Variants in MED13 observed in about 807,000 individuals in gnomAD.
The protein encoded by MED13 is mediator of RNA polymerase II transcription subunit 13.
Under a neutral mutation model 225.2 loss-of-function variants are expected in MED13, and 23 were observed. The ratio of observed to expected loss-of-function variants is 0.10; its 90% confidence interval spans 0.07 to 0.14. The LOEUF (loss-of-function observed/expected upper bound fraction) is 0.14. Ranked by LOEUF, MED13 falls within the 10% of genes least tolerant of loss-of-function variation. MED13 has a pLI of 1.00. For synonymous variants in MED13, 942 were observed against 889.2 expected, an observed-to-expected ratio of 1.06 and a Z score of -1.06; for missense variants, 2,197 against 2,594.5, an observed-to-expected ratio of 0.85 and a Z score of 3.33.
At chr17:61,974,629 A>T (rs2080138098) in intron 16 of MED13, among the ~76,000 whole-genome samples, 1 of 152,070 alleles carries the variant, frequency 6.6e-6, no homozygotes. Context: ...CAGAAATCAA[A>T]CCTCATGCTT....
chr17:61,946,707 T>G (rs2079854309), intron 29 of MED13, 107 bp from the exon 30 acceptor site: 1 of 1,374,614 alleles, frequency 7.3e-7, no homozygotes. Context: ...TAAAAAAGAG[T>G]GTAACAGAGA....
chr17:62,057,980 A>G (rs1318609617), intron 2 of MED13, among the ~76,000 whole-genome samples: 3 of 152,236 alleles, frequency 2.0e-5, no homozygotes, highest in Non-Finnish European at 4.4e-5. Flanking sequence ...CAGCAATTGA[A>G]TTCCAAAAAT....
intron 12 of MED13, among the ~76,000 whole-genome samples, chr17:61,985,333 C>G (rs1393875799): frequency 6.6e-6 from 1 of 151,950 alleles, no homozygotes. Flanking sequence ...AGAAAATGAC[C>G]AATACTTTCA....
At chr17:61,952,545 C>A (rs2079905416) in intron 27 of MED13, among the ~76,000 whole-genome samples, 1 of 152,142 alleles carries the variant, frequency 6.6e-6, no homozygotes, top group South Asian at 2.1e-4. Flanking sequence ...CTTAGAGATT[C>A]TCTTAAAAAT....
chr17:62,060,823 C>T (rs541664151), intron 2 of MED13, among the ~76,000 whole-genome samples: 204 of 151,960 alleles, frequency 1.3e-3, no homozygotes, highest in African/African-American at 3.5e-3. Flanking sequence ...CCTCAGCCTA[C>T]TGAGTAGCTG....
At chr17:61,950,015 T>C (rs529560492) in intron 28 of MED13, among the ~76,000 whole-genome samples, 1 of 152,310 alleles carries the variant, frequency 6.6e-6, no homozygotes, top group Non-Finnish European at 1.5e-5. Context: ...CCCAAAATAA[T>C]GCAGCATAAC....
chr17:61,967,708 C>T (rs1414158614), intron 18 of MED13, among the ~76,000 whole-genome samples: 1 of 152,112 alleles, frequency 6.6e-6, no homozygotes, highest in Non-Finnish European at 1.5e-5. Flanking sequence ...AGAATAAAGA[C>T]TAGAATTTTT....
chr17:62,056,125 C>T (rs1041166229), intron 2 of MED13, among the ~76,000 whole-genome samples: 2 of 152,254 alleles, frequency 1.3e-5, no homozygotes, highest in African/African-American at 2.4e-5. Flanking sequence ...GAGAGTAAGT[C>T]CTAATAACGC....
At chr17:61,983,587 T>C (rs1294435955) in intron 15 of MED13, among the ~76,000 whole-genome samples, 8 of 152,174 alleles carry the variant, frequency 5.3e-5, no homozygotes, top group Non-Finnish European at 1.2e-4. Context: ...GTCAGAGATG[T>C]TAAAATGTGA....
At chr17:61,953,149 T>A in intron 26 of MED13, 36 bp from the exon 27 acceptor site, 1 of 1,592,210 alleles carries the variant, frequency 6.3e-7, no homozygotes, top group East Asian at 2.2e-5. Context: ...TAAAACTCCA[T>A]TTTCCATATC....
chr17:62,010,844 T>C lies in MED13; in HGVS notation c.1673A>G (p.Gln558Arg). 6.2e-7 allele frequency: 1 copy of C among 1,614,262 alleles called. No homozygotes were observed. The highest frequency in any genetic ancestry group is 8.5e-7 in the Non-Finnish European group (1 of 1,180,048). The change falls in exon 9 of 30, where the codon CAA becomes CGA. Residue 558 changes from glutamine (Q) to arginine (R), a missense_variant. By Grantham distance (43) the Gln-to-Arg change is conservative. Coordinates refer to ENST00000397786, the MANE Select transcript of MED13 (RefSeq NM_005121.3). The part of the protein sequence containing the change: ...VTKTPSTPQS[Q>R]HFYQMPTPDP... ...TGGTGTTGGCATTTGATAAAAATGT[T>C]GACTCTGAGGAGTTGAAGGTGTTTT...
At chr17:61,947,956 A>G (rs2079864481) in intron 28 of MED13, among the ~76,000 whole-genome samples, 2 of 152,224 alleles carry the variant, frequency 1.3e-5, no homozygotes, top group Admixed American at 1.3e-4. Context: ...CAACTGCAAT[A>G]CATATAGAAA....
rs191390334 is a variant in MED13, at chr17:62,012,863, G to A, written c.1284-1630C>T. ...GCTGTAGTGCAGTGGTGCAATCTTGGCTCACGGCAACCTCCGCCTCCCAGG... is the reference window on the plus strand; with the variant it reads ...GCTGTAGTGCAGTGGTGCAATCTTGACTCACGGCAACCTCCGCCTCCCAGG... On this transcript the variant is annotated intron_variant, in intron 8 of 29. Coordinates refer to ENST00000397786, the MANE Select transcript of MED13 (RefSeq NM_005121.3). Among the ~76,000 whole-genome samples, 20 of 151,676 alleles carry A rather than the reference G, an allele frequency of 1.3e-4. 1 individual carries two copies. In the East Asian group the frequency reaches 3.9e-3, roughly 30 times the overall value.
At chr17:62,012,550 G>A (rs1288388629) in intron 8 of MED13, among the ~76,000 whole-genome samples, 1 of 151,838 alleles carries the variant, frequency 6.6e-6, no homozygotes, top group East Asian at 2.0e-4. Context: ...GGCTGGTCCT[G>A]AACTCCCGAC....
chr17:61,964,473 G>A (rs1275057077), intron 20 of MED13, among the ~76,000 whole-genome samples: 1 of 152,102 alleles, frequency 6.6e-6, no homozygotes, highest in Non-Finnish European at 1.5e-5. Flanking sequence ...GCTGAGGTGG[G>A]AGGATCACCT....
intron 15 of MED13, 44 bp downstream of exon 15, chr17:61,984,127 G>A (rs767029530): frequency 4.2e-5 from 54 of 1,288,058 alleles, no homozygotes; most frequent in Middle Eastern, 4.1e-4. Context: ...AAAAATTAAA[G>A]CTGTATAAGC....
In MED13 at chr17:62,045,599, CTTT is replaced by C. The variant is rs146385522; in HGVS notation, c.470+6935_470+6937del. ...CTCAAACATGGCAAGTTCAGAATAT[CTTT>C]TATAGAAGAGACTAAAACCTACATT... On this transcript the variant is annotated intron_variant, in intron 3 of 29. Transcript: ENST00000397786. Among the ~76,000 whole-genome samples the C allele has an allele frequency of 6.7e-3, 1,016 of 152,178 alleles. 7 individuals carry two copies. Among genetic ancestry groups the C allele is most frequent in the Middle Eastern group, 0.034 (10 of 294 alleles).
chr17:62,064,281 G>A (rs2081063829), intron 1 of MED13, among the ~76,000 whole-genome samples: 1 of 152,216 alleles, frequency 6.6e-6, no homozygotes, highest in African/African-American at 2.4e-5. Flanking sequence ...ATTTGCAACA[G>A]TTGGTACTTC....
chr17:61,997,971 A>G (rs2080360033), intron 9 of MED13, among the ~76,000 whole-genome samples: 1 of 152,236 alleles, frequency 6.6e-6, no homozygotes, highest in African/African-American at 2.4e-5. Context: ...TTGTTATTTT[A>G]TTGAATCATT....
Sources: allele counts gnomAD v4.1 joint callset (sites outside exome capture counted in the v4.1 genomes callset), GRCh38; gene constraint gnomAD v4.1.1; transcripts MANE v1.5; gene names NCBI Gene and HGNC (gene_info 2026-07-23, HGNC 2026-07-21).